The following DDX10 variants were observed in gnomAD, a reference collection of about 807,000 sequenced individuals.
DDX10 encodes the protein DEAD-box helicase 10, also known as probable ATP-dependent RNA helicase DDX10.
DDX10 carries 74 observed loss-of-function variants against 104.3 expected under a neutral mutation model. The ratio of observed to expected loss-of-function variants is 0.71; its 90% CI spans 0.59 to 0.86. The LOEUF is 0.86. Among genes scored for constraint, DDX10 ranks in the 40% least tolerant of loss-of-function variants. DDX10 has a pLI of 0.00. For missense variants in DDX10, 952 were observed against 1,040.0 expected, an observed-to-expected ratio of 0.92 and a Z score of 1.16; for synonymous variants, 351 against 353.4, an observed-to-expected ratio of 0.99 and a Z score of 0.08.
chr11:108,853,088 A>G (rs1034847347), intron 16 of DDX10, among the ~76,000 whole-genome samples: 2 of 152,206 alleles, frequency 1.3e-5, no homozygotes, highest in Non-Finnish European at 2.9e-5. Context: ...GAATATAAGC[A>G]GAAAAGACTG....
At chr11:108,805,251 A>T (rs1485986235) in intron 13 of DDX10, among the ~76,000 whole-genome samples, 1 of 152,262 alleles carries the variant, frequency 6.6e-6, no homozygotes, top group East Asian at 1.9e-4. Flanking sequence ...GGTCTATCTC[A>T]TGAGACTAAG....
chr11:108,913,094 C>G (rs1863701238), intron 16 of DDX10, among the ~76,000 whole-genome samples: 1 of 152,120 alleles, frequency 6.6e-6, no homozygotes, highest in South Asian at 2.1e-4. Flanking sequence ...AAATCTCAAC[C>G]AATTTAGAAA....
At chr11:108,810,894 G>A (rs1357737609) in intron 13 of DDX10, among the ~76,000 whole-genome samples, 2 of 152,024 alleles carry the variant, frequency 1.3e-5, no homozygotes, top group African/African-American at 4.8e-5. Context: ...CCACCAACCC[G>A]TTTCGCACCT....
rs1008856672 is a variant in DDX10 at position 108,722,874 on chromosome 11, C to G, written c.1500-123C>G. The G allele has an allele frequency of 2.8e-6, 4 of 1,409,484 alleles. No homozygotes were observed. The African/African-American group carries it at 5.8e-5, about 20-fold the overall frequency. 87.3% of individuals were successfully genotyped at this position (1,409,484 alleles called of 1,614,324 possible). A position where few individuals can be genotyped will look rare whatever the true frequency, so the allele number is the denominator to read the frequency against. The stretch of plus-strand genomic sequence containing the variant: ...CTAACCTGTTAGTATTGAGTTGTAT[C>G]TCACAGGAACATTTTCTTTAAAAAA... On this transcript the variant is annotated intron_variant, in intron 12 of 17. Coordinates refer to ENST00000322536, the MANE Select transcript of DDX10 (RefSeq NM_004398.4).
chr11:108,805,080 C>T (rs1006883327), intron 13 of DDX10, among the ~76,000 whole-genome samples: 1 of 152,146 alleles, frequency 6.6e-6, no homozygotes, highest in African/African-American at 2.4e-5. Context: ...GGGTCATTCT[C>T]CCACAGGCAA....
chr11:108,723,397 G>A lies in DDX10; in HGVS notation c.1900G>A (p.Asp634Asn), dbSNP rs144714642. ...LDRDEEEEDA[D>N]FLKVKRHNVF... ...CAGAGATGAGGAGGAAGAAGATGCT[G>A]ATTTCTTGAAGGTGAAGCGGCATAA... The change falls in exon 13 of 18, where the codon GAT becomes AAT. Residue 634 changes from aspartate (D) to asparagine (N), a missense_variant. Coordinates refer to ENST00000322536, the MANE Select transcript of DDX10 (RefSeq NM_004398.4). The A allele has an allele frequency of 3.8e-5, 62 of 1,613,926 alleles. No homozygotes were observed. The African/African-American group carries it at 7.5e-4, about 19-fold the overall frequency.
chr11:108,788,117 ATTCT>A (rs980354596), intron 13 of DDX10, among the ~76,000 whole-genome samples: 11 of 152,070 alleles, frequency 7.2e-5, no homozygotes, highest in Admixed American at 2.0e-4. Context: ...CAGATTCTGA[ATTCT>A]TTGTCTGTCA....
chr11:108,745,952 G>A (rs1428577170), intron 13 of DDX10, among the ~76,000 whole-genome samples: 1 of 152,056 alleles, frequency 6.6e-6, no homozygotes, highest in Non-Finnish European at 1.5e-5. Flanking sequence ...TTTAAAGTAT[G>A]TAATTTAATA....
At chr11:108,860,767 A>T (rs1862930757) in intron 16 of DDX10, 1 of 152,038 alleles carries the variant, frequency 6.6e-6, no homozygotes, top group African/African-American at 2.4e-5. Flanking sequence ...GGTGGTCTTA[A>T]ACTCCTGACC....
intron 13 of DDX10, among the ~76,000 whole-genome samples, chr11:108,817,142 T>G (rs1281785388): frequency 6.6e-6 from 1 of 152,236 alleles, no homozygotes; most frequent in African/African-American, 2.4e-5. Context: ...ATTTGCAGTT[T>G]CCAAGAACTT....
chr11:108,813,740 C>A lies in DDX10; in HGVS notation c.1966-24706C>A, dbSNP rs188404185. On this transcript the variant is annotated intron_variant, in intron 13 of 17. Coordinates refer to ENST00000322536, the MANE Select transcript of DDX10 (RefSeq NM_004398.4). Reference sequence around the variant, plus strand: ...CTAAGCTTTTGATTCATTTGGAATTCTGTTGCAAGATGTGAAGTGTGGATC... The same window carrying A: ...CTAAGCTTTTGATTCATTTGGAATTATGTTGCAAGATGTGAAGTGTGGATC... Among the ~76,000 whole-genome samples, 132 of 152,190 alleles carry A rather than the reference C, an allele frequency of 8.7e-4. 1 individual carries two copies. The highest frequency in any genetic ancestry group is 3.1e-3 in the African/African-American group (129 of 41,542).
chr11:108,796,808 C>T (rs1005324168), intron 13 of DDX10, among the ~76,000 whole-genome samples: 2 of 152,032 alleles, frequency 1.3e-5, no homozygotes, highest in Non-Finnish European at 2.9e-5. Flanking sequence ...GGGGCACTGC[C>T]GTCATGAATG....
intron 1 of DDX10, among the ~76,000 whole-genome samples, chr11:108,668,162 C>T (rs1230936529): frequency 5.3e-5 from 8 of 152,120 alleles, no homozygotes; most frequent in African/African-American, 1.9e-4. Context: ...GCTGGCTTTC[C>T]GTATACTCAC....
intron 6 of DDX10, among the ~76,000 whole-genome samples, chr11:108,685,386 C>T (rs567456296): frequency 2.0e-5 from 3 of 151,684 alleles, no homozygotes; most frequent in African/African-American, 4.8e-5. Flanking sequence ...CGCCCTGCTT[C>T]GGCTCGCGCA....
intron 13 of DDX10, among the ~76,000 whole-genome samples, chr11:108,750,816 G>C (rs1217815135): frequency 2.0e-5 from 3 of 149,526 alleles, no homozygotes; most frequent in Non-Finnish European, 4.4e-5. Flanking sequence ...AGAGTACAGT[G>C]GCACAGTTAT....
chr11:108,852,117 T>C, intron 15 of DDX10, 36 bp from the exon 16 acceptor site: 1 of 1,534,376 alleles, frequency 6.5e-7, no homozygotes, highest in Non-Finnish European at 8.9e-7. Context: ...TACCTAATTA[T>C]ATGCTGCTAA....
chr11:108,791,392 G>A (rs1189811187), intron 13 of DDX10, among the ~76,000 whole-genome samples: 1 of 152,210 alleles, frequency 6.6e-6, no homozygotes, highest in Non-Finnish European at 1.5e-5. Flanking sequence ...GGGGGGAAAA[G>A]TGATCATTTG....
At chr11:108,931,137 G>A (rs540015483) in intron 17 of DDX10, among the ~76,000 whole-genome samples, 2 of 152,204 alleles carry the variant, frequency 1.3e-5, no homozygotes, top group Non-Finnish European at 2.9e-5. Context: ...GAGCAAGACC[G>A]TATCTCAGGG....
At chr11:108,763,337 G>C (rs956251812) in intron 13 of DDX10, among the ~76,000 whole-genome samples, 2 of 151,968 alleles carry the variant, frequency 1.3e-5, no homozygotes, top group African/African-American at 4.8e-5. Context: ...TATTTTTACT[G>C]TCTCTCTCTT....
Sources: gnomAD v4.1 joint callset for allele counts (sites outside exome capture counted in the v4.1 genomes callset) on GRCh38, gnomAD v4.1.1 for gene constraint, MANE v1.5 for transcripts, NCBI Gene and HGNC (gene_info 2026-07-23, HGNC 2026-07-21) for gene names.